NKAIN2: variants seen among roughly 807,000 people sequenced by gnomAD.
NKAIN2 encodes sodium/potassium-transporting ATPase subunit beta-1-interacting protein 2.
In NKAIN2, 14 loss-of-function variants were observed where a neutral mutation model predicts 32.6. That is an observed-to-expected ratio of 0.43 (90% confidence interval 0.28 to 0.67). NKAIN2 has a LOEUF of 0.67. Ranked by LOEUF, NKAIN2 falls within the 30% of genes least tolerant of loss-of-function variation. The pLI is 0.17. For synonymous variants in NKAIN2, 80 were observed against 87.2 expected (o/e 0.92, Z 0.46); for missense variants, 198 against 258.3 (o/e 0.77, Z 1.60).
intron 1 of NKAIN2, among the ~76,000 whole-genome samples, chr6:124,247,875 A>G (rs1379063764): frequency 6.6e-6 from 1 of 152,128 alleles, no homozygotes. Context: ...TAAATTATGG[A>G]CTGAGTTACT....
chr6:124,082,973 C>T (rs115988866), intron 1 of NKAIN2, among the ~76,000 whole-genome samples: 1,598 of 151,986 alleles, frequency 0.011, 26 homozygotes, highest in African/African-American at 0.034. Flanking sequence ...GCCTTTCATA[C>T]GTAACAACTA....
intron 3 of NKAIN2, among the ~76,000 whole-genome samples, chr6:124,474,985 A>G (rs1777142771): frequency 6.7e-6 from 1 of 149,960 alleles, no homozygotes; most frequent in Admixed American, 6.7e-5. Context: ...GCATGCATAT[A>G]TATATATGTA....
chr6:124,379,759 T>G (rs1253185585), intron 3 of NKAIN2, among the ~76,000 whole-genome samples: 1 of 152,190 alleles, frequency 6.6e-6, no homozygotes, highest in African/African-American at 2.4e-5. Flanking sequence ...TGATGTCATT[T>G]GCACATCAGG....
At chr6:124,362,938 G>T (rs1165004668) in intron 3 of NKAIN2, among the ~76,000 whole-genome samples, 1 of 152,018 alleles carries the variant, frequency 6.6e-6, no homozygotes, top group African/African-American at 2.4e-5. Flanking sequence ...AGGTTCAAGT[G>T]ATTCTCCTGC....
At chr6:124,523,730 A>G (rs933281034) in intron 3 of NKAIN2, among the ~76,000 whole-genome samples, 1 of 152,190 alleles carries the variant, frequency 6.6e-6, no homozygotes, top group African/African-American at 2.4e-5. Context: ...AAAGACCCAG[A>G]AAGCTAAAGG....
chr6:124,012,146 CAAGATA>C (rs1780361839), intron 1 of NKAIN2, among the ~76,000 whole-genome samples: 4 of 151,876 alleles, frequency 2.6e-5, no homozygotes, highest in Admixed American at 2.0e-4. Context: ...TTACCATAAT[CAAGATA>C]AAAAATACCC....
intron 4 of NKAIN2, among the ~76,000 whole-genome samples, chr6:124,701,730 AG>A (rs66695532): frequency 0.38 from 57,415 of 151,854 alleles, 10,871 homozygotes; most frequent in African/African-American, 0.41. Context: ...TCAAAGTTTG[AG>A]TCTTAGTATT....
At chr6:124,123,433 C>T (rs563190732) in intron 1 of NKAIN2, among the ~76,000 whole-genome samples, 89 of 152,122 alleles carry the variant, frequency 5.9e-4, no homozygotes, top group African/African-American at 1.9e-3. Context: ...TCTTGTTTTT[C>T]CCAGAGACAG....
At chr6:124,560,210 TAC>T (rs1780637451) in intron 3 of NKAIN2, among the ~76,000 whole-genome samples, 1 of 152,170 alleles carries the variant, frequency 6.6e-6, no homozygotes. Context: ...TGGGGGCAGT[TAC>T]CTCCATGCTT....
At chr6:124,101,194 G>A (rs1163907113) in intron 1 of NKAIN2, among the ~76,000 whole-genome samples, 1 of 152,112 alleles carries the variant, frequency 6.6e-6, no homozygotes, top group African/African-American at 2.4e-5. Flanking sequence ...GGCCCTCTAA[G>A]ATGGACATTA....
At chr6:124,508,829 C>A (rs1214342283) in intron 3 of NKAIN2, among the ~76,000 whole-genome samples, 3 of 152,148 alleles carry the variant, frequency 2.0e-5, no homozygotes, top group Non-Finnish European at 4.4e-5. Flanking sequence ...AAAGGAAGCT[C>A]TGCCTTCATC....
intron 3 of NKAIN2, among the ~76,000 whole-genome samples, chr6:124,580,984 T>C (rs1781496945): frequency 6.6e-6 from 1 of 152,102 alleles, no homozygotes; most frequent in African/African-American, 2.4e-5. Flanking sequence ...AACAAGATGA[T>C]ATAACAGTTT....
intron 1 of NKAIN2, among the ~76,000 whole-genome samples, chr6:123,844,791 C>T (rs981119574): frequency 1.3e-5 from 2 of 152,176 alleles, no homozygotes; most frequent in African/African-American, 4.8e-5. Context: ...TATGTTCCTT[C>T]TACATCACCA....
intron 1 of NKAIN2, among the ~76,000 whole-genome samples, chr6:124,183,411 C>T (rs918449769): frequency 2.6e-5 from 4 of 152,002 alleles, no homozygotes; most frequent in Non-Finnish European, 5.9e-5. Flanking sequence ...CATGATCAGT[C>T]TGTGAGTAAA....
intron 1 of NKAIN2, among the ~76,000 whole-genome samples, chr6:123,808,487 A>G (rs1773316522): frequency 6.6e-6 from 1 of 152,200 alleles, no homozygotes; most frequent in South Asian, 2.1e-4. Context: ...TTTTTAATTT[A>G]TTCTCACTGT....
At chr6:123,844,647 A>T (rs1295198740) in intron 1 of NKAIN2, among the ~76,000 whole-genome samples, 4 of 152,230 alleles carry the variant, frequency 2.6e-5, no homozygotes. Flanking sequence ...ACATGGATAC[A>T]TATGTGCTTC....
chr6:123,820,836 C>T (rs933574414), intron 1 of NKAIN2, among the ~76,000 whole-genome samples: 2 of 152,150 alleles, frequency 1.3e-5, no homozygotes, highest in African/African-American at 4.8e-5. Flanking sequence ...GAAAATGCTA[C>T]CTAACTTAAA....
At chr6:124,746,708 T>C (rs1452158439) in intron 4 of NKAIN2, among the ~76,000 whole-genome samples, 5 of 151,924 alleles carry the variant, frequency 3.3e-5, no homozygotes, top group African/African-American at 4.8e-5. Flanking sequence ...TTTTCTACAA[T>C]GAGCATTTAG....
chr6:123,949,426 T>C (rs1777223618), intron 1 of NKAIN2, among the ~76,000 whole-genome samples: 1 of 152,028 alleles, frequency 6.6e-6, no homozygotes, highest in African/African-American at 2.4e-5. Flanking sequence ...ATCCTTCTGA[T>C]CCGTGAGCAT....
Sources: gnomAD v4.1 joint callset for allele counts (sites outside exome capture counted in the v4.1 genomes callset) on GRCh38, gnomAD v4.1.1 for gene constraint, MANE v1.5 for transcripts, NCBI Gene and HGNC (gene_info 2026-07-23, HGNC 2026-07-21) for gene names.